NEU4: variants seen among roughly 807,000 people sequenced by gnomAD.
NEU4 encodes the protein neuraminidase 4, also known as sialidase-4.
A neutral mutation model predicts 9.9 loss-of-function variants in NEU4; 7 were observed. The ratio of observed to expected loss-of-function variants is 0.71; its 90% CI spans 0.40 to 1.33. The LOEUF (loss-of-function observed/expected upper bound fraction) is 1.33. NEU4 is among the 40% of genes most tolerant of loss of function. The pLI is 0.01. For synonymous variants in NEU4, 348 were observed against 316.9 expected (o/e 1.10, Z -1.04); for missense variants, 717 against 712.6 (o/e 1.01, Z -0.07).
chr2:241,814,808 G>A, intron 2 of NEU4, 84 bp from the exon 3 acceptor site: 1 of 1,548,600 alleles, frequency 6.5e-7, no homozygotes, highest in Non-Finnish European at 8.7e-7. Flanking sequence ...GAGCAAACCA[G>A]GCTCAGCGAT....
chr2:241,817,116 C>T lies in NEU4; in HGVS notation c.*68C>T, dbSNP rs1271925342. The T allele has an allele frequency of 7.0e-7, 1 of 1,434,544 alleles. No homozygotes were observed. The highest frequency in any genetic ancestry group is 2.4e-5 in the East Asian group (1 of 41,040). 88.9% of individuals were successfully genotyped at this position (1,434,544 alleles called of 1,614,324 possible). ...AGAGGGGTGGAATACGTTGGGGTGC[C>T]CCACGATAGCTGTGGGGGGGGCTCT... On this transcript the variant is annotated 3_prime_UTR_variant, in exon 4 of 4. Transcript: ENST00000407683.
At chr2:241,809,480 G>A (rs748685020) in intron 1 of NEU4, 28 of 354,178 alleles carry the variant, frequency 7.9e-5, no homozygotes, top group African/African-American at 2.2e-4. Flanking sequence ...CCAGCCTTCC[G>A]TGTGATGCTG....
intron 1 of NEU4, chr2:241,811,022 G>A: frequency 9.5e-7 from 1 of 1,052,768 alleles, no homozygotes; most frequent in Non-Finnish European, 1.1e-6. Context: ...TGTGCCAGGG[G>A]AGGCCCCGCA....
intron 1 of NEU4, among the ~76,000 whole-genome samples, chr2:241,812,687 C>A (rs1028863496): frequency 6.7e-6 from 1 of 149,508 alleles, no homozygotes; most frequent in Non-Finnish European, 1.5e-5. Flanking sequence ...AGGGCCTGGC[C>A]GTGGCAAGGA....
intron 1 of NEU4, chr2:241,813,593 C>T: frequency 8.2e-7 from 1 of 1,214,780 alleles, no homozygotes; most frequent in African/African-American, 1.6e-5. Context: ...GTGGGTGTTG[C>T]CTGGGAGCAA....
At chr2:241,811,403 CTCTGGG>C in intron 1 of NEU4, 1 of 1,545,704 alleles carries the variant, frequency 6.5e-7, no homozygotes, top group Non-Finnish European at 8.8e-7. Context: ...CTTGTCTCTG[CTCTGGG>C]TCAGGCGAGG....
rs183570956 is a variant in NEU4 at position 241,814,018 on chromosome 2, C to T, written c.-3-464C>T. ...CTTTGTGTCTCTGCTGTGGCTTCCA[C>T]GGTGCTGTGGCCTCTATTCTGGGGA... On this transcript the variant is annotated intron_variant, in intron 1 of 3. Coordinates refer to ENST00000407683, the MANE Select transcript of NEU4 (RefSeq NM_001167600.3). 498 of 362,136 alleles carry T rather than the reference C, an allele frequency of 1.4e-3. 4 individuals are homozygous for T. Among genetic ancestry groups the T allele is most frequent in the Middle Eastern group, 0.012 (32 of 2,612 alleles). The allele number at this position is 362,136 out of a possible 1,614,324, so 22.4% of individuals were successfully genotyped here.
chr2:241,814,830 T>G (rs902720439), intron 2 of NEU4, 62 bp from the exon 3 acceptor site: 1 of 1,563,692 alleles, frequency 6.4e-7, no homozygotes, highest in Non-Finnish European at 8.7e-7. Flanking sequence ...CTGGGTGCCC[T>G]GCGGGGGGCT....
intron 1 of NEU4, chr2:241,811,648 T>G: frequency 2.3e-6 from 1 of 427,994 alleles, no homozygotes; most frequent in Non-Finnish European, 4.0e-6. Context: ...GCTGCAGGGA[T>G]TCCGAGGGCC....
At chr2:241,811,057 G>T in intron 1 of NEU4, 1 of 1,114,800 alleles carries the variant, frequency 9.0e-7, no homozygotes, top group Non-Finnish European at 1.1e-6. Flanking sequence ...AGGAGAGTGT[G>T]CACTCACGGA....
At chr2:241,815,502 A>T (rs745537989) in intron 3 of NEU4, 19 of 510,518 alleles carry the variant, frequency 3.7e-5, no homozygotes, top group South Asian at 3.0e-4. Context: ...GGCTGACCCG[A>T]CTCTCTCTCA....
intron 1 of NEU4, chr2:241,813,506 C>T: frequency 8.3e-7 from 1 of 1,203,192 alleles, no homozygotes; most frequent in Non-Finnish European, 1.1e-6. Context: ...GACTGAGAGA[C>T]CCCCCAGGCA....
rs866564645 is a variant in NEU4, at chr2:241,814,418, C to T, written c.-3-64C>T. On this transcript the variant is annotated intron_variant, in intron 1 of 3. Coordinates refer to ENST00000407683, the MANE Select transcript of NEU4 (RefSeq NM_001167600.3). ...CCTGAGCGCATTCCCCAGTCCAGAC[C>T]GGGAGCGAGTGTGGGGCTCCCTGGG... The T allele has an allele frequency of 2.3e-5, 35 of 1,489,550 alleles. No individual in the cohort carries two copies. In the South Asian group the frequency reaches 2.8e-4, roughly 12 times the overall value. 92.3% of individuals were successfully genotyped at this position (1,489,550 alleles called of 1,614,324 possible). A position where few individuals can be genotyped will look rare whatever the true frequency, so the allele number is the denominator to read the frequency against.
chr2:241,812,050 A>C (rs1306345512), intron 1 of NEU4: 4 of 151,752 alleles, frequency 2.6e-5, no homozygotes, highest in African/African-American at 9.7e-5. Context: ...CACGACAAGA[A>C]GTGCTGACCC....
At chr2:241,811,238 T>C (rs1700103783) in intron 1 of NEU4, 4 of 1,250,534 alleles carry the variant, frequency 3.2e-6, no homozygotes, top group Non-Finnish European at 4.0e-6. Context: ...GAGCCTGTGC[T>C]GGTCCCGGGC....
At chr2:241,815,422 C>T (rs587710161) in intron 3 of NEU4, 1 of 379,972 alleles carries the variant, frequency 2.6e-6, no homozygotes, top group Non-Finnish European at 4.9e-6. Context: ...GACCGTCCTG[C>T]ACCTCCCGTC....
In NEU4 at chr2:241,815,268, C is replaced by T. The variant is rs1370193578; in HGVS notation, c.457+121C>T. 2.8e-5 allele frequency: 34 copies of T among 1,219,950 alleles called. No homozygotes were observed. The South Asian group carries it at 4.9e-4, about 18-fold the overall frequency. 75.6% of individuals were successfully genotyped at this position (1,219,950 alleles called of 1,614,324 possible). Reference sequence around the variant, plus strand: ...TGTCTCCAGCCACAAGGGAACCAACCATCCCTTTCCCCAGGACTGTTCTGC... The same window carrying T: ...TGTCTCCAGCCACAAGGGAACCAACTATCCCTTTCCCCAGGACTGTTCTGC... On this transcript the variant is annotated intron_variant, in intron 3 of 3. Coordinates refer to ENST00000407683, the MANE Select transcript of NEU4 (RefSeq NM_001167600.3).
In NEU4 at chr2:241,815,160, G is replaced by A; in HGVS notation, c.457+13G>A. 1 of 1,527,072 alleles carries A rather than the reference G, an allele frequency of 6.5e-7. No homozygotes were observed. The highest frequency in any genetic ancestry group is 8.8e-7 in the Non-Finnish European group (1 of 1,139,162). 94.6% of individuals were successfully genotyped at this position (1,527,072 alleles called of 1,614,324 possible). On this transcript the variant is annotated intron_variant, in intron 3 of 3. Coordinates refer to ENST00000407683, the MANE Select transcript of NEU4 (RefSeq NM_001167600.3). ...GGTGCCGTGCAGGGTAGGCGGGCAG[G>A]GTGCCGGTCTGGGTCCCTTTGATTG...
At position 241,815,420 on chromosome 2, in the gene NEU4, T is replaced by C. The variant is rs1046158886; in HGVS notation, c.457+273T>C. The stretch of plus-strand genomic sequence containing the variant: ...CAAATCCCTCTCCCCAGGACCGTCC[T>C]GCACCTCCCGTCCCAGGCAAATGGG... On this transcript the variant is annotated intron_variant, in intron 3 of 3. Coordinates refer to ENST00000407683, the MANE Select transcript of NEU4 (RefSeq NM_001167600.3). 13 of 600,310 alleles carry C rather than the reference T, an allele frequency of 2.2e-5. No homozygotes were observed. In the East Asian group the frequency reaches 3.8e-4, roughly 18 times the overall value. The allele number at this position is 600,310 out of a possible 1,614,324, so 37.2% of individuals were successfully genotyped here. A position where few individuals can be genotyped will look rare whatever the true frequency, so the allele number is the denominator to read the frequency against.
Sources: gnomAD v4.1 joint callset for allele counts (sites outside exome capture counted in the v4.1 genomes callset) on GRCh38, gnomAD v4.1.1 for gene constraint, MANE v1.5 for transcripts, NCBI Gene and HGNC (gene_info 2026-07-23, HGNC 2026-07-21) for gene names.